Variants in SMYD2 observed in about 807,000 individuals in gnomAD.
The protein encoded by SMYD2 is N-lysine methyltransferase SMYD2.
In SMYD2, 53 loss-of-function variants were observed where a neutral mutation model predicts 59.1. The observed-to-expected ratio is 0.90, with a 90% CI of 0.72 to 1.13. SMYD2 has a LOEUF of 1.13. SMYD2 is among the 50% of genes most tolerant of loss of function. The probability of loss-of-function intolerance (pLI) is 0.00; values close to 1 mark genes in which losing one functional copy is unlikely to be tolerated. For missense variants in SMYD2, 494 were observed against 544.7 expected (o/e 0.91, Z 0.93); for synonymous variants, 208 against 198.8 (o/e 1.05, Z -0.39).
At chr1:214,285,552 A>G (rs1405800651) in intron 1 of SMYD2, among the ~76,000 whole-genome samples, 2 of 152,230 alleles carry the variant, frequency 1.3e-5, no homozygotes, top group Non-Finnish European at 2.9e-5. Flanking sequence ...ATGTATTTTT[A>G]TAAAATAGGT....
chr1:214,281,515 T>G, intron 1 of SMYD2, 88 bp downstream of exon 1: 1 of 649,440 alleles, frequency 1.5e-6, no homozygotes, highest in Non-Finnish European at 1.9e-6. Flanking sequence ...TGCGTGCGGC[T>G]CGCGGGGTCC....
intron 9 of SMYD2, 50 bp from the exon 10 acceptor site, chr1:214,331,968 A>AGCCTCCAGGCAGCTTGGGCCC: frequency 6.4e-7 from 1 of 1,555,694 alleles, no homozygotes; most frequent in South Asian, 1.2e-5. Context: ...AGCCTGGGGA[A>AGCCTCCAGGCAGCTTGGGCCC]GCCTCCAGGC....
rs1657130673 is a variant in SMYD2 at position 214,319,100 on chromosome 1, C to T, written c.534+117C>T. On this transcript the variant is annotated intron_variant, in intron 5 of 11. Coordinates refer to ENST00000366957, the MANE Select transcript of SMYD2 (RefSeq NM_020197.3). ...TAGAATGATGGCATCTTCCTGACAACGAAGCTCTGAGCCAATTGGACCGTG... is the reference window on the plus strand; with the variant it reads ...TAGAATGATGGCATCTTCCTGACAATGAAGCTCTGAGCCAATTGGACCGTG... The T allele has an allele frequency of 3.9e-5, 54 of 1,369,110 alleles. No homozygotes were observed. In the South Asian group the frequency reaches 6.0e-4, roughly 15 times the overall value. 84.8% of individuals were successfully genotyped at this position (1,369,110 alleles called of 1,614,324 possible).
intron 1 of SMYD2, among the ~76,000 whole-genome samples, chr1:214,288,026 T>C (rs570556077): frequency 6.6e-6 from 1 of 152,346 alleles, no homozygotes; most frequent in Non-Finnish European, 1.5e-5. Flanking sequence ...GTGACCAAGC[T>C]GCACGTTTGG....
chr1:214,314,984 A>G lies in SMYD2; in HGVS notation c.348+112A>G, dbSNP rs562792114. 34 of 776,324 alleles carry G rather than the reference A, an allele frequency of 4.4e-5. 1 individual carries two copies. In the South Asian group the frequency reaches 5.7e-4, roughly 13 times the overall value. 48.1% of individuals were successfully genotyped at this position (776,324 alleles called of 1,614,324 possible). Reference sequence around the variant, plus strand: ...ATCTCTCGTTAAACATCCTTAGACTACATTTCCTATCATATCCATATGGAC... The same window carrying G: ...ATCTCTCGTTAAACATCCTTAGACTGCATTTCCTATCATATCCATATGGAC... On this transcript the variant is annotated intron_variant, in intron 3 of 11. Coordinates refer to ENST00000366957, the MANE Select transcript of SMYD2 (RefSeq NM_020197.3).
chr1:214,303,154 A>G (rs1234574423), intron 1 of SMYD2, among the ~76,000 whole-genome samples: 1 of 152,164 alleles, frequency 6.6e-6, no homozygotes, highest in African/African-American at 2.4e-5. Flanking sequence ...GCCCCCCATA[A>G]AAACAAATAT....
At chr1:214,303,356 AT>A (rs1200991919) in intron 1 of SMYD2, among the ~76,000 whole-genome samples, 1 of 152,042 alleles carries the variant, frequency 6.6e-6, no homozygotes, top group Non-Finnish European at 1.5e-5. Flanking sequence ...CTTCACCGTG[AT>A]TTTTTAGTGC....
intron 7 of SMYD2, among the ~76,000 whole-genome samples, chr1:214,329,698 T>C (rs560564557): frequency 8.5e-5 from 13 of 152,258 alleles, no homozygotes; most frequent in African/African-American, 3.1e-4. Context: ...TGCCAGTTGA[T>C]GTGAGGAGAA....
At chr1:214,319,005 A>T in intron 5 of SMYD2, 22 bp downstream of exon 5, 1 of 1,612,686 alleles carries the variant, frequency 6.2e-7, no homozygotes. Context: ...GGCAGCAGGT[A>T]ACACTCAGTC....
intron 2 of SMYD2, among the ~76,000 whole-genome samples, chr1:214,310,376 C>T (rs1656980594): frequency 6.6e-6 from 1 of 152,144 alleles, no homozygotes; most frequent in African/African-American, 2.4e-5. Context: ...AGTCTGTCCT[C>T]ATTATGGGAA....
chr1:214,290,227 A>G (rs1349362384), intron 1 of SMYD2, among the ~76,000 whole-genome samples: 1 of 152,236 alleles, frequency 6.6e-6, no homozygotes, highest in Non-Finnish European at 1.5e-5. Flanking sequence ...AAAAGTCTTG[A>G]AGGTTCAGGA....
chr1:214,326,006 G>A (rs886665881), intron 6 of SMYD2, among the ~76,000 whole-genome samples: 5 of 151,922 alleles, frequency 3.3e-5, no homozygotes, highest in South Asian at 2.1e-4. Context: ...TTGGGAGGCC[G>A]AAGCGGGCAG....
chr1:214,324,553 TGTTAAAA>T, intron 5 of SMYD2, 81 bp from the exon 6 acceptor site: 2 of 1,176,434 alleles, frequency 1.7e-6, no homozygotes, highest in Non-Finnish European at 2.5e-6. Flanking sequence ...CTTCCTAATT[TGTTAAAA>T]GTCAAAATTT....
At chr1:214,301,769 T>TAAAAAA (rs56102481) in intron 1 of SMYD2, among the ~76,000 whole-genome samples, 1,367 of 133,252 alleles carry the variant, frequency 0.01, 25 homozygotes, top group African/African-American at 0.037. Flanking sequence ...TCTTTCAAGT[T>TAAAAAA]AAAAAAAAAA....
intron 1 of SMYD2, among the ~76,000 whole-genome samples, chr1:214,295,517 C>G (rs1656710220): frequency 6.6e-6 from 1 of 152,206 alleles, no homozygotes; most frequent in Non-Finnish European, 1.5e-5. Context: ...CCAGCTTCCT[C>G]CTTGTAAATT....
At chr1:214,328,281 G>A (rs931576922) in intron 7 of SMYD2, among the ~76,000 whole-genome samples, 1 of 152,170 alleles carries the variant, frequency 6.6e-6, no homozygotes, top group African/African-American at 2.4e-5. Context: ...ACTTCAGGTC[G>A]CAGTTCACTT....
Position 214,336,733 on chromosome 1 carries a change from C to G in SMYD2, c.1251C>G (p.Gly417=). The G allele has an allele frequency of 6.2e-7, 1 of 1,613,732 alleles. No homozygotes were observed. The highest frequency in any genetic ancestry group is 8.5e-7 in the Non-Finnish European group (1 of 1,179,934). Residue 417 remains glycine, a synonymous_variant, in exon 12 of 12, where the codon GGC becomes GGG. Transcript: ENST00000366957. ...TTGCAATCATGGAAGTAGCTCACGG[C>G]AAAGATCATCCATATATTTCTGAGA... is the stretch of plus-strand genomic sequence containing the variant. ...KAIAIMEVAH[G]KDHPYISEIK...
chr1:214,299,108 C>T (rs936645877), intron 1 of SMYD2, among the ~76,000 whole-genome samples: 1 of 152,144 alleles, frequency 6.6e-6, no homozygotes, highest in African/African-American at 2.4e-5. Flanking sequence ...AATTACAAGC[C>T]ATGATCATGC....
At chr1:214,302,255 C>T (rs1656835699) in intron 1 of SMYD2, among the ~76,000 whole-genome samples, 1 of 151,348 alleles carries the variant, frequency 6.6e-6, no homozygotes, top group African/African-American at 2.4e-5. Flanking sequence ...AGGAGAATTG[C>T]TTAAACCCAG....
Sources: allele counts gnomAD v4.1 joint callset (sites outside exome capture counted in the v4.1 genomes callset), GRCh38; gene constraint gnomAD v4.1.1; transcripts MANE v1.5; gene names NCBI Gene and HGNC (gene_info 2026-07-23, HGNC 2026-07-21).